The following NBEA variants were observed in gnomAD, a reference collection of about 807,000 sequenced individuals.
NBEA encodes lysosomal-trafficking regulator 2.
NBEA carries 44 observed loss-of-function variants against 343.4 expected under a neutral mutation model. That is an observed-to-expected ratio of 0.13 (90% confidence interval 0.10 to 0.16). The LOEUF is 0.16. Among genes scored for constraint, NBEA ranks in the 10% least tolerant of loss-of-function variants. The probability of loss-of-function intolerance (pLI) is 1.00; values close to 1 mark genes in which losing one functional copy is unlikely to be tolerated. For synonymous variants in NBEA, 1,175 were observed against 1,238.7 expected, an observed-to-expected ratio of 0.95 and a Z score of 1.08; for missense variants, 2,555 against 3,631.3, an observed-to-expected ratio of 0.70 and a Z score of 7.62.
Position 35,473,612 on chromosome 13 carries a change from A to C in NBEA, c.6585+1076A>C, listed in dbSNP as rs17052245. Among the ~76,000 whole-genome samples, 1,380 of 152,312 alleles carry C rather than the reference A, an allele frequency of 9.1e-3. 20 individuals carry two copies. Among genetic ancestry groups the C allele is most frequent in the African/African-American group, 0.032 (1,316 of 41,566 alleles). On this transcript the variant is annotated intron_variant, in intron 41 of 58. Transcript: ENST00000379939. ...TGGGACTTCTTTTACTTCTAGCTGCAAATGTAGTTTTTAAAATGAGCTTGA... is the reference window on the plus strand; with the variant it reads ...TGGGACTTCTTTTACTTCTAGCTGCCAATGTAGTTTTTAAAATGAGCTTGA...
At chr13:35,056,420 T>C (rs909649255) in intron 7 of NBEA, among the ~76,000 whole-genome samples, 3 of 152,126 alleles carry the variant, frequency 2.0e-5, no homozygotes, top group African/African-American at 7.2e-5. Context: ...AAATGTGGTT[T>C]ACCCCTTATT....
chr13:35,375,866 A>C (rs1333554978), intron 38 of NBEA, among the ~76,000 whole-genome samples: 2 of 152,164 alleles, frequency 1.3e-5, no homozygotes, highest in African/African-American at 2.4e-5. Flanking sequence ...AGTTACCTGA[A>C]TTAATATGAC....
At chr13:35,348,519 C>T (rs761461794) in intron 36 of NBEA, among the ~76,000 whole-genome samples, 2 of 151,882 alleles carry the variant, frequency 1.3e-5, no homozygotes, top group Non-Finnish European at 2.9e-5. Context: ...TTAAAAAAGT[C>T]AGCTATATGG....
chr13:35,566,326 A>C (rs754495825), intron 44 of NBEA, among the ~76,000 whole-genome samples: 7 of 152,054 alleles, frequency 4.6e-5, no homozygotes, highest in Non-Finnish European at 7.3e-5. Flanking sequence ...GCGCCATTGC[A>C]CTCCAGCCTG....
At chr13:35,184,093 G>T in intron 30 of NBEA, 22 bp downstream of exon 30, 1 of 1,517,790 alleles carries the variant, frequency 6.6e-7, no homozygotes, top group Non-Finnish European at 9.1e-7. Context: ...CTCATCTCCT[G>T]ACCTGTTTGG....
At chr13:35,006,621 G>A (rs903088292) in intron 1 of NBEA, among the ~76,000 whole-genome samples, 2 of 152,038 alleles carry the variant, frequency 1.3e-5, no homozygotes, top group Non-Finnish European at 2.9e-5. Context: ...ATAGATTTTA[G>A]TATTTTCTTT....
chr13:34,972,942 C>T (rs371737987), intron 1 of NBEA, among the ~76,000 whole-genome samples: 24 of 152,250 alleles, frequency 1.6e-4, no homozygotes, highest in African/African-American at 5.3e-4. Context: ...TCAATGTTCT[C>T]GTGCTGATTC....
intron 1 of NBEA, among the ~76,000 whole-genome samples, chr13:34,983,772 G>A (rs1298695319): frequency 2.0e-5 from 3 of 152,318 alleles, no homozygotes; most frequent in Non-Finnish European, 4.4e-5. Flanking sequence ...CTGGTGACCA[G>A]TGATGATGAG....
chr13:35,515,275 T>C (rs1395876996), intron 41 of NBEA, among the ~76,000 whole-genome samples: 1 of 152,190 alleles, frequency 6.6e-6, no homozygotes, highest in Non-Finnish European at 1.5e-5. Context: ...GCTCATCAGC[T>C]CTTTTGTACT....
At chr13:35,384,314 A>G (rs1235026586) in intron 38 of NBEA, among the ~76,000 whole-genome samples, 1 of 152,174 alleles carries the variant, frequency 6.6e-6, no homozygotes, top group East Asian at 1.9e-4. Flanking sequence ...AAAATTGCTA[A>G]CCAGTAAATT....
chr13:35,593,928 A>T (rs983102103), intron 47 of NBEA, among the ~76,000 whole-genome samples: 30 of 152,084 alleles, frequency 2.0e-4, no homozygotes, highest in African/African-American at 5.3e-4. Flanking sequence ...GTGCCTGGGG[A>T]TACTATGCAA....
At chr13:35,363,104 T>C (rs2040907567) in intron 38 of NBEA, among the ~76,000 whole-genome samples, 1 of 152,004 alleles carries the variant, frequency 6.6e-6, no homozygotes, top group Non-Finnish European at 1.5e-5. Context: ...CTAAGGCGTT[T>C]ATTTAAATCC....
intron 1 of NBEA, among the ~76,000 whole-genome samples, chr13:35,000,736 G>A (rs2061104456): frequency 6.6e-6 from 1 of 151,900 alleles, no homozygotes; most frequent in Middle Eastern, 3.4e-3. Flanking sequence ...GGAAAATTTT[G>A]CTTTATCTTT....
intron 39 of NBEA, among the ~76,000 whole-genome samples, chr13:35,445,966 C>A (rs1239818997): frequency 6.6e-5 from 10 of 151,058 alleles, no homozygotes; most frequent in African/African-American, 2.0e-4. Flanking sequence ...TCCCTCCCCC[C>A]TCTCCCCACC....
At chr13:35,541,582 A>G (rs1430275308) in intron 41 of NBEA, among the ~76,000 whole-genome samples, 2 of 152,096 alleles carry the variant, frequency 1.3e-5, no homozygotes, top group Non-Finnish European at 2.9e-5. Flanking sequence ...CTATGATTCC[A>G]ATAATGTCTA....
At chr13:35,302,780 T>C (rs2036637013) in intron 35 of NBEA, among the ~76,000 whole-genome samples, 2 of 152,220 alleles carry the variant, frequency 1.3e-5, no homozygotes, top group African/African-American at 4.8e-5. Flanking sequence ...ATAGTCATTA[T>C]GACAATTGCA....
Position 34,988,566 on chromosome 13 carries a change from G to A in NBEA, c.294+45452G>A, listed in dbSNP as rs115445822. Among the ~76,000 whole-genome samples, 1,144 of 151,152 alleles carry A rather than the reference G, an allele frequency of 7.6e-3. 23 individuals carry two copies. Among genetic ancestry groups the A allele is most frequent in the African/African-American group, 0.026 (1,084 of 41,454 alleles). ...TCGATATCAGACTGCTGTGCTAGCAGTGAGCAAGTCTCTGTGGGCGTGGGA... is the reference window on the plus strand; with the variant it reads ...TCGATATCAGACTGCTGTGCTAGCAATGAGCAAGTCTCTGTGGGCGTGGGA... On this transcript the variant is annotated intron_variant, in intron 1 of 58. Coordinates refer to ENST00000379939, the MANE Select transcript of NBEA (RefSeq NM_001385012.1).
At chr13:35,288,040 A>G (rs2035549911) in intron 34 of NBEA, among the ~76,000 whole-genome samples, 1 of 151,938 alleles carries the variant, frequency 6.6e-6, no homozygotes, top group African/African-American at 2.4e-5. Flanking sequence ...TAAACTCCTT[A>G]GTACTAACAT....
chr13:35,384,700 A>G (rs1308022925), intron 38 of NBEA, among the ~76,000 whole-genome samples: 2 of 151,510 alleles, frequency 1.3e-5, no homozygotes, highest in South Asian at 2.1e-4. Flanking sequence ...TAATTTTTCT[A>G]TTTGTTGTAG....
Sources: gnomAD v4.1 joint callset for allele counts (sites outside exome capture counted in the v4.1 genomes callset) on GRCh38, gnomAD v4.1.1 for gene constraint, MANE v1.5 for transcripts, NCBI Gene and HGNC (gene_info 2026-07-23, HGNC 2026-07-21) for gene names.